The following KAZN variants were observed in gnomAD, a reference collection of about 807,000 sequenced individuals.
KAZN encodes kazrin, periplakin interacting protein, also known as kazrin.
A neutral mutation model predicts 87.4 loss-of-function variants in KAZN; 40 were observed. That is an observed-to-expected ratio of 0.46 (90% CI 0.36 to 0.60). The LOEUF is 0.60. Among genes scored for constraint, KAZN ranks in the 20% least tolerant of loss-of-function variants. The probability of loss-of-function intolerance (pLI) is 0.00; values close to 1 mark genes in which losing one functional copy is unlikely to be tolerated. For synonymous variants in KAZN, 466 were observed against 458.3 expected (o/e 1.02, Z -0.22); for missense variants, 898 against 1,073.9 (o/e 0.84, Z 2.29).
At chr1:14,140,858 T>C (rs1418504807) in intron 1 of KAZN, among the ~76,000 whole-genome samples, 5 of 152,166 alleles carry the variant, frequency 3.3e-5, no homozygotes, top group African/African-American at 1.2e-4. Context: ...GCCCTCATTC[T>C]CTGGGAAGAA....
intron 2 of KAZN, among the ~76,000 whole-genome samples, chr1:14,244,569 C>T (rs938660335): frequency 5.3e-5 from 8 of 151,960 alleles, no homozygotes; most frequent in Admixed American, 2.0e-4. Flanking sequence ...ATGCATCCTA[C>T]GGACTACATA....
chr1:14,170,728 A>T (rs1032744026), intron 1 of KAZN, among the ~76,000 whole-genome samples: 8 of 151,308 alleles, frequency 5.3e-5, no homozygotes, highest in South Asian at 4.2e-4. Context: ...TTCTGTAATT[A>T]TTTTTTTTTC....
chr1:14,709,988 T>A (rs1441692753), intron 1 of KAZN, among the ~76,000 whole-genome samples: 1 of 152,204 alleles, frequency 6.6e-6, no homozygotes, highest in East Asian at 1.9e-4. Flanking sequence ...ACAGTATCCC[T>A]GCTGTGTCTG....
chr1:14,289,049 T>C (rs1040689120), intron 2 of KAZN, among the ~76,000 whole-genome samples: 1 of 152,120 alleles, frequency 6.6e-6, no homozygotes, highest in Non-Finnish European at 1.5e-5. Flanking sequence ...CTGTGAGACA[T>C]TTTGTTGTGA....
At chr1:14,056,147 C>A (rs1282990771) in intron 1 of KAZN, among the ~76,000 whole-genome samples, 1 of 152,220 alleles carries the variant, frequency 6.6e-6, no homozygotes, top group African/African-American at 2.4e-5. Flanking sequence ...CAGGCCTTTG[C>A]CCAACTGTGG....
At chr1:14,551,917 T>A (rs1385817595) in intron 2 of KAZN, among the ~76,000 whole-genome samples, 1 of 152,206 alleles carries the variant, frequency 6.6e-6, no homozygotes, top group Non-Finnish European at 1.5e-5. Context: ...CCTGATGTCA[T>A]GTACTCTTCT....
At chr1:14,258,612 A>C (rs571527879) in intron 2 of KAZN, among the ~76,000 whole-genome samples, 14 of 152,150 alleles carry the variant, frequency 9.2e-5, no homozygotes, top group Non-Finnish European at 2.1e-4. Flanking sequence ...TACCAGGGAG[A>C]ACCAAATGCA....
At chr1:14,803,556 C>G (rs533205988) in intron 1 of KAZN, among the ~76,000 whole-genome samples, 2 of 152,244 alleles carry the variant, frequency 1.3e-5, no homozygotes, top group Non-Finnish European at 2.9e-5. Context: ...TGCTCAGCCC[C>G]GCCCTGAGTG....
chr1:14,382,244 A>G (rs1661427159), intron 2 of KAZN, among the ~76,000 whole-genome samples: 1 of 152,216 alleles, frequency 6.6e-6, no homozygotes, highest in Non-Finnish European at 1.5e-5. Context: ...ACCCAATGCA[A>G]TCTACAGATT....
In KAZN at chr1:14,049,232, C is replaced by T. The variant is rs572845907; in HGVS notation, c.92-131203C>T. Reference sequence around the variant, plus strand: ...TTGCAAGGACAAAAAAACCAAACACCGCATGTTCTCACTCATAGGTGGGAA... The same window carrying T: ...TTGCAAGGACAAAAAAACCAAACACTGCATGTTCTCACTCATAGGTGGGAA... On this transcript the variant is annotated intron_variant, in intron 1 of 16. Coordinates refer to the KAZN transcript ENST00000636203. Among the ~76,000 whole-genome samples the T allele has an allele frequency of 3.5e-4, 53 of 151,978 alleles. 1 individual carries two copies. Among genetic ancestry groups the T allele is most frequent in the East Asian group, 3.1e-3 (16 of 5,168 alleles).
At chr1:14,944,544 GAGGCGGTCTCC>G (rs750262784) in intron 1 of KAZN, among the ~76,000 whole-genome samples, 10 of 152,218 alleles carry the variant, frequency 6.6e-5, no homozygotes, top group Non-Finnish European at 1.2e-4. Context: ...CTGCCCCAGA[GAGGCGGTCTCC>G]AGTGTGGACT....
intron 1 of KAZN, among the ~76,000 whole-genome samples, chr1:14,146,536 C>CAAAAAAAAAAAAAAAAAAAAAAAAAAAAA: frequency 1.6e-5 from 1 of 63,506 alleles, no homozygotes; most frequent in Non-Finnish European, 2.8e-5. Flanking sequence ...AACTCCATCT[C>CAAAAAAAAAAAAAAAAAAAAAAAAAAAAA]AAAAAAAAAA....
intron 1 of KAZN, among the ~76,000 whole-genome samples, chr1:14,704,090 G>T (rs1642077054): frequency 6.6e-6 from 1 of 152,202 alleles, no homozygotes; most frequent in South Asian, 2.1e-4. Context: ...TGAATCTCTT[G>T]TTCCAAACTT....
chr1:14,593,137 G>C (rs1676300870), intron 2 of KAZN, among the ~76,000 whole-genome samples: 1 of 152,200 alleles, frequency 6.6e-6, no homozygotes, highest in African/African-American at 2.4e-5. Context: ...CTACCCAACG[G>C]AGTTGTCGCA....
rs1640957852 is a variant in KAZN, at chr1:15,099,588, G to C, written c.1548-1955G>C. ...CAGTGCCTCCAGGAAACGGCCCCCAGGACCCCAAGCCCCATGTGCGTTGGG... is the reference window on the plus strand; with the variant it reads ...CAGTGCCTCCAGGAAACGGCCCCCACGACCCCAAGCCCCATGTGCGTTGGG... On this transcript the variant is annotated intron_variant, in intron 10 of 14. Coordinates refer to ENST00000376030, the MANE Select transcript of KAZN (RefSeq NM_201628.3). The surrounding 1 kb of genome is among the most constrained non-coding windows in gnomAD (Gnocchi z 5.4). Among the ~76,000 whole-genome samples, 1 of 152,144 alleles carries C rather than the reference G, an allele frequency of 6.6e-6. No individual in the cohort carries two copies. Among genetic ancestry groups the C allele is most frequent in the South Asian group, 2.1e-4 (1 of 4,824 alleles).
At chr1:14,707,011 C>T (rs189377881) in intron 1 of KAZN, among the ~76,000 whole-genome samples, 46 of 152,306 alleles carry the variant, frequency 3.0e-4, no homozygotes, top group Admixed American at 8.5e-4. Context: ...TCTTGTCTCC[C>T]GGAAACTTCA....
At chr1:14,036,557 C>T (rs1028152772) in intron 1 of KAZN, among the ~76,000 whole-genome samples, 24 of 152,084 alleles carry the variant, frequency 1.6e-4, no homozygotes, top group African/African-American at 5.5e-4. Flanking sequence ...CCCAGCTACT[C>T]AGGGGACTGA....
At chr1:14,519,515 C>T (rs1025408710) in intron 2 of KAZN, among the ~76,000 whole-genome samples, 5 of 152,166 alleles carry the variant, frequency 3.3e-5, no homozygotes, top group Admixed American at 1.3e-4. Context: ...TCCCCTCTCC[C>T]AGTTTTTCTT....
chr1:14,205,772 G>C (rs1284961265), intron 2 of KAZN, among the ~76,000 whole-genome samples: 1 of 150,770 alleles, frequency 6.6e-6, no homozygotes, highest in African/African-American at 2.4e-5. Context: ...TGTAATCCTA[G>C]CTACTTGGGA....
Sources: gnomAD v4.1 joint callset for allele counts (sites outside exome capture counted in the v4.1 genomes callset) on GRCh38, gnomAD v4.1.1 for gene constraint, Gnocchi (gnomAD v3.1) non-coding constraint, MANE v1.5 for transcripts, NCBI Gene and HGNC (gene_info 2026-07-23, HGNC 2026-07-21) for gene names.